The following GMPS variants were observed in gnomAD, a reference collection of about 807,000 sequenced individuals.
GMPS encodes the protein guanosine monophosphate synthase.
In GMPS, 15 loss-of-function variants were observed where a neutral mutation model predicts 77.9. That is an observed-to-expected ratio of 0.19 (90% CI 0.13 to 0.30). The LOEUF (loss-of-function observed/expected upper bound fraction) is 0.30. Ranked by LOEUF, GMPS falls within the 10% of genes least tolerant of loss-of-function variation. The pLI is 1.00. For missense variants in GMPS, 590 were observed against 838.8 expected (o/e 0.70, Z 3.66); for synonymous variants, 224 against 275.9 (o/e 0.81, Z 1.86).
At chr3:155,926,411 G>A (rs1161644414) in intron 12 of GMPS, among the ~76,000 whole-genome samples, 1 of 152,010 alleles carries the variant, frequency 6.6e-6, no homozygotes, top group Non-Finnish European at 1.5e-5. Flanking sequence ...GTGGTTAAAT[G>A]GAGACACTAG....
intron 13 of GMPS, 100 bp from the exon 14 acceptor site, chr3:155,934,816 A>C: frequency 1.3e-6 from 1 of 758,774 alleles, no homozygotes; most frequent in Non-Finnish European, 2.2e-6. Context: ...TGGGAAATGG[A>C]AAGAATGTTA....
intron 5 of GMPS, among the ~76,000 whole-genome samples, chr3:155,909,966 C>T (rs914938357): frequency 8.2e-5 from 12 of 146,326 alleles, no homozygotes; most frequent in East Asian, 4.1e-4. Context: ...TAAAATAGGC[C>T]GGGCGCAGTG....
intron 9 of GMPS, among the ~76,000 whole-genome samples, chr3:155,916,872 G>T (rs1173420958): frequency 1.3e-5 from 2 of 152,022 alleles, no homozygotes; most frequent in Non-Finnish European, 2.9e-5. Context: ...ATTCGCACTA[G>T]CAATCTATGA....
intron 1 of GMPS, among the ~76,000 whole-genome samples, chr3:155,874,561 C>T (rs531685684): frequency 6.1e-4 from 93 of 151,768 alleles, no homozygotes; most frequent in African/African-American, 2.0e-3. Context: ...GATTTTATTC[C>T]GTTAGGATAT....
chr3:155,873,638 C>CTTTTTTTTTTTTTTTTTTTTTTTTTTT (rs58365650), intron 1 of GMPS, among the ~76,000 whole-genome samples: 1 of 82,576 alleles, frequency 1.2e-5, no homozygotes, highest in Non-Finnish European at 2.2e-5. Flanking sequence ...TGAGTAAGTT[C>CTTTTTTTTTTTTTTTTTTTTTTTTTTT]TTTTTTTTTT....
In GMPS at chr3:155,939,872, G is replaced by A. The variant is rs1490730360; in HGVS notation, c.*2180G>A. 5.0e-6 allele frequency: 1 copy of A among 201,564 alleles called. No homozygotes were observed. Among genetic ancestry groups the A allele is most frequent in the African/African-American group, 2.3e-5 (1 of 43,562 alleles). The allele number at this position is 201,564 out of a possible 1,614,324, so 12.5% of individuals were successfully genotyped here. On this transcript the variant is annotated 3_prime_UTR_variant, in exon 16 of 16. Transcript: ENST00000496455. ...CACAGTATTTCATCTGAGCCACTGA[G>A]GAAAGTTAAAGGTTGCACTTCCATT...
intron 12 of GMPS, among the ~76,000 whole-genome samples, chr3:155,929,923 A>G (rs1231337503): frequency 2.1e-5 from 3 of 143,164 alleles, no homozygotes; most frequent in Non-Finnish European, 4.6e-5. Flanking sequence ...CAATATCGTG[A>G]AAATGGCCAT....
At chr3:155,883,007 GACCACATACT>G (rs1754246160) in intron 1 of GMPS, among the ~76,000 whole-genome samples, 1 of 152,128 alleles carries the variant, frequency 6.6e-6, no homozygotes, top group Non-Finnish European at 1.5e-5. Flanking sequence ...TTGAAAAATA[GACCACATACT>G]ACCACATACT....
chr3:155,893,742 A>G, intron 2 of GMPS, 43 bp downstream of exon 2: 1 of 1,031,164 alleles, frequency 9.7e-7, no homozygotes, highest in Non-Finnish European at 1.4e-6. Flanking sequence ...TTGAACTTAG[A>G]TTGTGGAATA....
intron 13 of GMPS, among the ~76,000 whole-genome samples, chr3:155,932,984 G>T (rs909180516): frequency 1.3e-5 from 2 of 152,174 alleles, no homozygotes; most frequent in African/African-American, 4.8e-5. Context: ...TTGAGCCCAG[G>T]AGTTTGAGAC....
At chr3:155,926,642 A>G (rs537355985) in intron 12 of GMPS, among the ~76,000 whole-genome samples, 12 of 152,360 alleles carry the variant, frequency 7.9e-5, no homozygotes, top group African/African-American at 2.2e-4. Context: ...AAAACCTAAT[A>G]AGCATTTTTT....
intron 3 of GMPS, among the ~76,000 whole-genome samples, chr3:155,903,465 G>T (rs1216621931): frequency 6.6e-6 from 1 of 152,118 alleles, no homozygotes; most frequent in African/African-American, 2.4e-5. Context: ...TTCTTGTTCT[G>T]GTACAAGGTT....
At chr3:155,881,852 G>C (rs1484366351) in intron 1 of GMPS, among the ~76,000 whole-genome samples, 1 of 152,166 alleles carries the variant, frequency 6.6e-6, no homozygotes, top group African/African-American at 2.4e-5. Flanking sequence ...TATCACTTGA[G>C]CTCAGGAGTT....
intron 3 of GMPS, among the ~76,000 whole-genome samples, chr3:155,901,652 GA>G (rs1308573846): frequency 1.3e-5 from 2 of 151,056 alleles, no homozygotes; most frequent in Non-Finnish European, 2.9e-5. Flanking sequence ...GACATGATTA[GA>G]TTTTTTTTTT....
rs1402286283 is a variant in GMPS, at chr3:155,939,325, A to G, written c.*1633A>G. The G allele has an allele frequency of 3.3e-5, 7 of 213,456 alleles. No individual in the cohort carries two copies. The highest frequency in any genetic ancestry group is 1.6e-4 in the African/African-American group (7 of 44,262). The allele number at this position is 213,456 out of a possible 1,614,324, so 13.2% of individuals were successfully genotyped here. A position where few individuals can be genotyped will look rare whatever the true frequency, so the allele number is the denominator to read the frequency against. ...GACAACCTATAAAATGCTTACCAACATGTGTCAGTACACGTTTATGTTTAT... is the reference window on the plus strand; with the variant it reads ...GACAACCTATAAAATGCTTACCAACGTGTGTCAGTACACGTTTATGTTTAT... On this transcript the variant is annotated 3_prime_UTR_variant, in exon 16 of 16. Coordinates refer to ENST00000496455, the MANE Select transcript of GMPS (RefSeq NM_003875.3).
chr3:155,881,164 G>GTTTTTTTTTT (rs11334499), intron 1 of GMPS, among the ~76,000 whole-genome samples: 1 of 52,928 alleles, frequency 1.9e-5, no homozygotes, highest in Non-Finnish European at 3.4e-5. Context: ...TTTGATATTA[G>GTTTTTTTTTT]TTTTTTTTTT....
chr3:155,907,998 G>A (rs1754934809), intron 5 of GMPS, among the ~76,000 whole-genome samples: 1 of 152,050 alleles, frequency 6.6e-6, no homozygotes, highest in Non-Finnish European at 1.5e-5. Context: ...AGGACCTTTG[G>A]GCCACTGCAA....
At chr3:155,900,775 C>T (rs1288791808) in intron 3 of GMPS, among the ~76,000 whole-genome samples, 1 of 152,062 alleles carries the variant, frequency 6.6e-6, no homozygotes, top group Non-Finnish European at 1.5e-5. Flanking sequence ...ATATGCTGAT[C>T]TTGGTTATTT....
intron 11 of GMPS, among the ~76,000 whole-genome samples, chr3:155,923,099 T>A (rs1755357512): frequency 6.6e-6 from 1 of 152,120 alleles, no homozygotes; most frequent in South Asian, 2.1e-4. Context: ...TTACTGGAAT[T>A]AACAAGCAAT....
Sources: gnomAD v4.1 joint callset for allele counts (sites outside exome capture counted in the v4.1 genomes callset) on GRCh38, gnomAD v4.1.1 for gene constraint, MANE v1.5 for transcripts, NCBI Gene and HGNC (gene_info 2026-07-23, HGNC 2026-07-21) for gene names.